Variants in PCDHGA4 observed in about 807,000 individuals in gnomAD.
PCDHGA4 encodes the protein protocadherin gamma subfamily A, 4.
Under a neutral mutation model 54.6 loss-of-function variants are expected in PCDHGA4, and 38 were observed. The observed-to-expected ratio is 0.70, with a 90% CI of 0.54 to 0.91. PCDHGA4 has a LOEUF of 0.91. Among genes scored for constraint, PCDHGA4 ranks in the 40% least tolerant of loss-of-function variants. The pLI is 0.00. For missense variants in PCDHGA4, 1,298 were observed against 1,220.9 expected (o/e 1.06, Z -0.94); for synonymous variants, 511 against 512.9 (o/e 1.00, Z 0.05).
chr5:141,494,878 T>A lies in PCDHGA4; in HGVS notation c.2573+13T>A. Reference sequence around the variant, plus strand: ...CCGGCACCAGCGGGTAGGTGACTGATTCTCCAGCCCACCCTCTTCTCTGCG... The same window carrying A: ...CCGGCACCAGCGGGTAGGTGACTGAATCTCCAGCCCACCCTCTTCTCTGCG... On this transcript the variant is annotated intron_variant, in intron 2 of 3. Coordinates refer to ENST00000571252, the MANE Select transcript of PCDHGA4 (RefSeq NM_018917.4). The A allele has an allele frequency of 6.2e-7, 1 of 1,614,072 alleles. No homozygotes were observed. The highest frequency in any genetic ancestry group is 8.5e-7 in the Non-Finnish European group (1 of 1,179,986).
Position 141,408,343 on chromosome 5 carries a change from G to A in PCDHGA4, c.2514+50722G>A, listed in dbSNP as rs780878986. On this transcript the variant is annotated intron_variant, in intron 1 of 3. Transcript: ENST00000571252. Reference sequence around the variant, plus strand: ...AGGAGCTGGCCAAGGGCTCGGTGGTGGGGAACCTCGCTAAGGATCTAGGGC... The same window carrying A: ...AGGAGCTGGCCAAGGGCTCGGTGGTAGGGAACCTCGCTAAGGATCTAGGGC... The A allele has an allele frequency of 1.9e-6, 3 of 1,613,924 alleles. No individual in the cohort carries two copies. In the South Asian group the frequency reaches 3.3e-5, roughly 18 times the overall value.
Position 141,405,419 on chromosome 5 carries a change from TTTG to T in PCDHGA4, c.2514+47801_2514+47803del, listed in dbSNP as rs372094745. On this transcript the variant is annotated intron_variant, in intron 1 of 3. Transcript: ENST00000571252. ...CTTTCTTTCTTTTCTTTTTTTGTTT[TTTG>T]TTTTGTTTTGTTTTTGAGACAGAGT... The T allele has an allele frequency of 6.8e-4, 1,019 of 1,509,010 alleles. 10 individuals are homozygous for T. In the African/African-American group the frequency reaches 0.012, roughly 18 times the overall value. The allele number at this position is 1,509,010 out of a possible 1,614,324, so 93.5% of individuals were successfully genotyped here.
rs118021618 is a variant in PCDHGA4, at chr5:141,382,926, C to T, written c.2514+25305C>T. On this transcript the variant is annotated intron_variant, in intron 1 of 3. Transcript: ENST00000571252. ...TGGCGGCTCAGCCGAGGGGCGGGGA[C>T]TACAGAGGATTCTTCCTGCTCTCCA... 1,227 of 1,577,740 alleles carry T rather than the reference C, an allele frequency of 7.8e-4. 19 individuals carry two copies. The East Asian group carries it at 0.025, about 33-fold the overall frequency.
At chr5:141,393,056 C>G in intron 1 of PCDHGA4, 2 of 1,613,606 alleles carry the variant, frequency 1.2e-6, no homozygotes, top group South Asian at 1.1e-5. Context: ...ACCCGCGCAG[C>G]GGCAGCTTGA....
chr5:141,438,054 T>C (rs1451843979), intron 1 of PCDHGA4, among the ~76,000 whole-genome samples: 2 of 152,182 alleles, frequency 1.3e-5, no homozygotes, highest in African/African-American at 4.8e-5. Flanking sequence ...TTGAGTTCAC[T>C]TTTAAGAAAC....
chr5:141,358,988 G>A (rs1053429010), intron 1 of PCDHGA4, among the ~76,000 whole-genome samples: 1 of 152,196 alleles, frequency 6.6e-6, no homozygotes, highest in African/African-American at 2.4e-5. Context: ...ATTCATGAAT[G>A]CATATGCTTA....
intron 2 of PCDHGA4, among the ~76,000 whole-genome samples, chr5:141,501,333 A>ACACC (rs1186649373): frequency 5.5e-4 from 77 of 140,128 alleles, no homozygotes; most frequent in African/African-American, 6.0e-4. Context: ...ACACACACAC[A>ACACC]CCCCAAACTC....
intron 1 of PCDHGA4, chr5:141,365,394 C>G (rs1245270195): frequency 6.2e-7 from 1 of 1,613,942 alleles, no homozygotes; most frequent in Admixed American, 1.7e-5. Context: ...CTGACCAGTT[C>G]GATCTCTGAA....
chr5:141,409,572 A>G (rs1440637025), intron 1 of PCDHGA4: 2 of 1,613,920 alleles, frequency 1.2e-6, no homozygotes, highest in South Asian at 1.1e-5. Context: ...CAGACGTCCT[A>G]CGTGGTCCAC....
At position 141,422,108 on chromosome 5, in the gene PCDHGA4, A is replaced by G. The variant is rs766617894; in HGVS notation, c.2514+64487A>G. 4.4e-6 allele frequency: 7 copies of G among 1,606,984 alleles called. No homozygotes were observed. In the East Asian group the frequency reaches 1.6e-4, roughly 36 times the overall value. ...GAAAGCAAGGCTTCTGAAATATTCCAATTGGATTCACAAACTGGAGAAGTT... is the reference window on the plus strand; with the variant it reads ...GAAAGCAAGGCTTCTGAAATATTCCGATTGGATTCACAAACTGGAGAAGTT... On this transcript the variant is annotated intron_variant, in intron 1 of 3. Transcript: ENST00000571252.
chr5:141,403,632 G>A (rs759489331), intron 1 of PCDHGA4: 2 of 1,613,916 alleles, frequency 1.2e-6, no homozygotes, highest in Admixed American at 1.7e-5. Context: ...AGCACAGTGC[G>A]CATCCATGTG....
chr5:141,413,699 A>T (rs2095668539), intron 1 of PCDHGA4: 2 of 1,613,762 alleles, frequency 1.2e-6, no homozygotes, highest in East Asian at 4.5e-5. Context: ...CAGAGCTATC[A>T]GCTCAGCCCC....
intron 1 of PCDHGA4, among the ~76,000 whole-genome samples, chr5:141,468,830 C>T (rs561511870): frequency 2.0e-5 from 3 of 152,170 alleles, no homozygotes; most frequent in East Asian, 1.9e-4. Flanking sequence ...CAAGCCACTG[C>T]ACTCCAGCCT....
At chr5:141,443,538 G>C (rs768723399) in intron 1 of PCDHGA4, among the ~76,000 whole-genome samples, 11 of 152,118 alleles carry the variant, frequency 7.2e-5, no homozygotes. Flanking sequence ...TTTAAAGCTT[G>C]GGAAATTGTT....
At chr5:141,404,391 A>C (rs773558298) in intron 1 of PCDHGA4, 1 of 1,613,924 alleles carries the variant, frequency 6.2e-7, no homozygotes, top group South Asian at 1.1e-5. Context: ...TATGACCCTG[A>C]TAGCAATGAG....
chr5:141,387,866 G>A, intron 1 of PCDHGA4: 2 of 1,590,640 alleles, frequency 1.3e-6, no homozygotes, highest in South Asian at 1.1e-5. Context: ...TGGTGAGCAA[G>A]CTGAGGAGAG....
chr5:141,357,407 C>T lies in PCDHGA4; in HGVS notation c.2300C>T (p.Pro767Leu), dbSNP rs752595373. 1.5e-5 allele frequency: 25 copies of T among 1,614,128 alleles called. No individual in the cohort carries two copies. The East Asian group carries it at 4.7e-4, about 30-fold the overall frequency. ...HAEGSRLAGV[P>L]ASHFVGVDGV... ...GAAGGCAGCAGGTTGGCAGGTGTGC[C>T]TGCCTCGCACTTTGTGGGCGTGGAC... Residue 767 changes from proline to leucine, a missense_variant, in exon 1 of 4, where the codon CCT (proline) becomes CTT (leucine). Transcript: ENST00000571252.
intron 1 of PCDHGA4, chr5:141,365,325 A>T (rs372623504): frequency 2.5e-6 from 4 of 1,613,990 alleles, no homozygotes; most frequent in Admixed American, 1.7e-5. Context: ...GCCAGCGCTA[A>T]GGTGGTGGTC....
At chr5:141,409,145 T>G (rs2095231039) in intron 1 of PCDHGA4, 1 of 1,613,884 alleles carries the variant, frequency 6.2e-7, no homozygotes, top group Non-Finnish European at 8.5e-7. Flanking sequence ...TGTAGAAAGG[T>G]ACACCATGGA....
Sources: gnomAD v4.1 joint callset for allele counts (sites outside exome capture counted in the v4.1 genomes callset) on GRCh38, gnomAD v4.1.1 for gene constraint, MANE v1.5 for transcripts, NCBI Gene and HGNC (gene_info 2026-07-23, HGNC 2026-07-21) for gene names.